The following ABCC12 variants were observed in gnomAD, a reference collection of about 807,000 sequenced individuals.
ABCC12 encodes the protein ATP-binding cassette sub-family C member 12.
Under a neutral mutation model 151.1 loss-of-function variants are expected in ABCC12, and 142 were observed. The ratio of observed to expected loss-of-function variants is 0.94; its 90% confidence interval spans 0.82 to 1.08. ABCC12 has a LOEUF of 1.08. Among genes scored for constraint, ABCC12 ranks in the 50% least tolerant of loss-of-function variants. The pLI, the probability that ABCC12 is intolerant of heterozygous loss-of-function variation, is 0.00. For missense variants in ABCC12, 1,638 were observed against 1,691.1 expected (o/e 0.97, Z 0.55); for synonymous variants, 645 against 646.4 (o/e 1.00, Z 0.03).
intron 9 of ABCC12, among the ~76,000 whole-genome samples, chr16:48,132,262 C>A (rs961211610): frequency 8.5e-5 from 13 of 152,196 alleles, no homozygotes; most frequent in Non-Finnish European, 1.9e-4. Context: ...TTTGGGCTCA[C>A]AGCTGGGCTG....
intron 23 of ABCC12, among the ~76,000 whole-genome samples, chr16:48,098,179 C>T (rs1376904869): frequency 6.6e-6 from 1 of 151,306 alleles, no homozygotes; most frequent in African/African-American, 2.4e-5. Flanking sequence ...GGAAAGAGAC[C>T]TGTGGCTTGA....
Position 48,142,859 on chromosome 16 carries a change from G to A in ABCC12, c.275+1051C>T, listed in dbSNP as rs1256091916. ...ATGATCTGTGAGTGGGGGGTAAGAAGAGGTACTGATCTGAAGAAGACGGTA... is the reference window on the plus strand; with the variant it reads ...ATGATCTGTGAGTGGGGGGTAAGAAAAGGTACTGATCTGAAGAAGACGGTA... On this transcript the variant is annotated intron_variant, in intron 4 of 30. Coordinates refer to ENST00000311303, the MANE Select transcript of ABCC12 (RefSeq NM_001393797.1). Among the ~76,000 whole-genome samples the A allele has an allele frequency of 2.6e-5, 4 of 152,330 alleles. No individual in the cohort carries two copies. In the South Asian group the frequency reaches 8.3e-4, roughly 32 times the overall value.
Position 48,099,600 on chromosome 16 carries a change from A to G in ABCC12, c.3038+1272T>C, listed in dbSNP as rs139246829. Among the ~76,000 whole-genome samples, 127 of 152,230 alleles carry G rather than the reference A, an allele frequency of 8.3e-4. 2 individuals are homozygous for G. The highest frequency in any genetic ancestry group is 1.6e-3 in the Non-Finnish European group (108 of 68,016). ...CCTCCTTTGGACACAGCTGGACTACATTTCCCAGCCTCCCTTGCGTTAGGT... is the reference window on the plus strand; with the variant it reads ...CCTCCTTTGGACACAGCTGGACTACGTTTCCCAGCCTCCCTTGCGTTAGGT... On this transcript the variant is annotated intron_variant, in intron 23 of 30. Coordinates refer to ENST00000311303, the MANE Select transcript of ABCC12 (RefSeq NM_001393797.1).
rs1319403358 is a variant in ABCC12 at position 48,108,606 on chromosome 16, A to C, written c.2282-77T>G. ...AGCGAGGTAGGCACGGCCCCTCCAC[A>C]GACTCCACAACACGGCTAAGGGGGC... On this transcript the variant is annotated intron_variant, in intron 18 of 30. Transcript: ENST00000311303. 6 of 1,125,664 alleles carry C rather than the reference A, an allele frequency of 5.3e-6. No individual in the cohort carries two copies. The Admixed American group carries it at 1.1e-4, about 21-fold the overall frequency. 69.7% of individuals were successfully genotyped at this position (1,125,664 alleles called of 1,614,324 possible).
intron 25 of ABCC12, 126 bp from the exon 26 acceptor site, chr16:48,088,860 G>C: frequency 3.7e-6 from 3 of 800,952 alleles, no homozygotes; most frequent in South Asian, 4.2e-5. Context: ...AACCAATAAT[G>C]ACCCTTAATT....
chr16:48,149,676 A>G (rs1034378757), intron 2 of ABCC12, among the ~76,000 whole-genome samples: 2 of 152,248 alleles, frequency 1.3e-5, no homozygotes, highest in Non-Finnish European at 2.9e-5. Context: ...TAAGAGAAGC[A>G]ACATACTGGC....
chr16:48,115,391 C>G (rs773459765), intron 15 of ABCC12, 24 bp downstream of exon 15: 1 of 1,611,640 alleles, frequency 6.2e-7, no homozygotes, highest in Admixed American at 1.7e-5. Context: ...CCCGTGACCT[C>G]CTGGATCCTG....
chr16:48,145,786 G>A (rs1964979935), intron 3 of ABCC12, among the ~76,000 whole-genome samples: 1 of 152,238 alleles, frequency 6.6e-6, no homozygotes, highest in Non-Finnish European at 1.5e-5. Context: ...TTGCTGTACA[G>A]GAGTAAGCCT....
At chr16:48,125,992 TC>T (rs1405184809) in intron 11 of ABCC12, among the ~76,000 whole-genome samples, 1 of 152,154 alleles carries the variant, frequency 6.6e-6, no homozygotes, top group Admixed American at 6.5e-5. Flanking sequence ...CTCGCCACTC[TC>T]CCGGTGGAGC....
rs367826251 is a variant in ABCC12, at chr16:48,091,188, A to T, written c.3217T>A (p.Cys1073Ser). The T allele has an allele frequency of 6.8e-6, 11 of 1,613,978 alleles. No individual in the cohort carries two copies. The highest frequency in any genetic ancestry group is 9.3e-6 in the Non-Finnish European group (11 of 1,179,984). ...IIQLSGLLQV[C>S]VRTGTETQAK... ...TGCGTCTCTGTTCCCGTTCGCACAC[A>T]CACTTGGAGCAGTCCGCTCAGCTGT... The change falls in exon 25 of 31, where the codon TGT becomes AGT. Residue 1073 changes from cysteine (C) to serine (S), a missense_variant. Coordinates refer to ENST00000311303, the MANE Select transcript of ABCC12 (RefSeq NM_001393797.1).
intron 8 of ABCC12, among the ~76,000 whole-genome samples, chr16:48,136,018 C>T (rs1351337856): frequency 2.6e-5 from 4 of 152,052 alleles, no homozygotes; most frequent in Admixed American, 6.5e-5. Flanking sequence ...CTCATAAGAT[C>T]GTCCTCACCA....
intron 19 of ABCC12, 95 bp downstream of exon 19, chr16:48,108,345 A>T: frequency 8.4e-7 from 1 of 1,184,192 alleles, no homozygotes; most frequent in Non-Finnish European, 1.2e-6. Flanking sequence ...AAACAGAATA[A>T]TTGTTAAAGA....
At position 48,110,398 on chromosome 16, in the gene ABCC12, G is replaced by GT. The variant is rs905215691; in HGVS notation, c.2281+1037dup. Among the ~76,000 whole-genome samples the GT allele has an allele frequency of 3.6e-4, 54 of 149,312 alleles. 1 individual carries two copies. The South Asian group carries it at 6.2e-3, about 17-fold the overall frequency. The stretch of plus-strand genomic sequence containing the variant: ...TCTTAAATTTGATGAAATGTGCGAA[G>GT]TTTTTTTTTTGGCTATGCATTATTG... On this transcript the variant is annotated intron_variant, in intron 18 of 30. Coordinates refer to ENST00000311303, the MANE Select transcript of ABCC12 (RefSeq NM_001393797.1).
intron 1 of ABCC12, among the ~76,000 whole-genome samples, chr16:48,154,698 TTGCTC>T (rs1384371222): frequency 1.3e-5 from 2 of 152,232 alleles, no homozygotes; most frequent in African/African-American, 4.8e-5. Flanking sequence ...CCTGCCCACT[TTGCTC>T]TGTTATATTT....
At chr16:48,096,525 G>A (rs1963100593) in intron 24 of ABCC12, among the ~76,000 whole-genome samples, 1 of 152,160 alleles carries the variant, frequency 6.6e-6, no homozygotes, top group Admixed American at 6.5e-5. Context: ...CACCTATGAG[G>A]AAAGTCATCA....
At chr16:48,108,283 G>A (rs1002589640) in intron 19 of ABCC12, among the ~76,000 whole-genome samples, 157 bp downstream of exon 19, 4 of 152,226 alleles carry the variant, frequency 2.6e-5, no homozygotes, top group African/African-American at 7.2e-5. Context: ...ATTATCAGAC[G>A]TTAGTTTTTA....
chr16:48,101,059 C>T, intron 22 of ABCC12, 50 bp from the exon 23 acceptor site: 1 of 1,595,550 alleles, frequency 6.3e-7, no homozygotes, highest in Non-Finnish European at 8.5e-7. Context: ...GAGGTCTCAT[C>T]AGGCTTGCCC....
chr16:48,081,398 C>G lies in ABCC12; in HGVS notation c.*2317G>C, dbSNP rs1375630279. On this transcript the variant is annotated 3_prime_UTR_variant, in exon 31 of 31. Coordinates refer to ENST00000311303, the MANE Select transcript of ABCC12 (RefSeq NM_001393797.1). ...AACAGCCAAACCCTCAGAAGTCACT[C>G]TCCCCCAGGGATGATACTGATGACC... Among the ~76,000 whole-genome samples the G allele has an allele frequency of 2.0e-5, 3 of 152,184 alleles. No individual in the cohort carries two copies. Among genetic ancestry groups the G allele is most frequent in the East Asian group, 3.8e-4 (2 of 5,198 alleles).
intron 8 of ABCC12, among the ~76,000 whole-genome samples, chr16:48,136,389 C>A (rs561841704): frequency 1.3e-5 from 2 of 152,270 alleles, no homozygotes; most frequent in South Asian, 4.2e-4. Context: ...CAGTGTGCTC[C>A]CCCATGGAGC....
Sources: gnomAD v4.1 joint callset for allele counts (sites outside exome capture counted in the v4.1 genomes callset) on GRCh38, gnomAD v4.1.1 for gene constraint, MANE v1.5 for transcripts, NCBI Gene and HGNC (gene_info 2026-07-23, HGNC 2026-07-21) for gene names.